The following PWWP2A variants were observed in gnomAD, a reference collection of about 807,000 sequenced individuals.
The protein encoded by PWWP2A is PWWP domain containing 2A, also known as PWWP domain-containing protein 2A.
In PWWP2A, 18 loss-of-function variants were observed where a neutral mutation model predicts 48.5. That is an observed-to-expected ratio of 0.37 (90% CI 0.26 to 0.55). PWWP2A has a LOEUF of 0.55. PWWP2A is among the 20% of genes least tolerant of loss of function. The pLI is 0.81. For missense variants in PWWP2A, 867 were observed against 976.4 expected (o/e 0.89, Z 1.49); for synonymous variants, 396 against 387.7 (o/e 1.02, Z -0.25).
chr5:160,044,628 T>C, the PWWP2A span, among the ~76,000 whole-genome samples: 3 of 152,194 alleles, frequency 2.0e-5, no homozygotes, highest in South Asian at 2.1e-4. Context: ...TAGGGAGCAG[T>C]GAGGATGACC....
chr5:160,065,157 A>G (rs1335116161), intron 4 of PWWP2A: 21 of 1,527,968 alleles, frequency 1.4e-5, no homozygotes, highest in Non-Finnish European at 1.8e-5. Flanking sequence ...TAACTTTTAA[A>G]AGCATCTTAT....
At chr5:160,087,986 G>A (rs959542147), downstream of PWWP2A, among the ~76,000 whole-genome samples, 3 of 152,166 alleles carry the variant, frequency 2.0e-5, no homozygotes, top group African/African-American at 7.2e-5. Context: ...CTATTCCTTC[G>A]TTCAAAAATA....
chr5:160,078,447 G>GTT lies in PWWP2A; in HGVS notation c.1670-281_1670-280dup, dbSNP rs901495666. Among the ~76,000 whole-genome samples, 3 of 152,092 alleles carry GTT rather than the reference G, an allele frequency of 2.0e-5. No individual in the cohort carries two copies. The highest frequency in any genetic ancestry group is 4.4e-5 in the Non-Finnish European group (3 of 68,020). On this transcript the variant is annotated intron_variant, in intron 3 of 3. Transcript: ENST00000456329. The surrounding 1 kb of genome is among the most constrained non-coding windows in gnomAD (Gnocchi z 4.2). ...TTACATAATCAATGTGCACTTGAGT[G>GTT]TTTTTTTAAAATACTTGCTTATAAA...
At chr5:160,047,267 A>C in the PWWP2A span, among the ~76,000 whole-genome samples, 1 of 151,948 alleles carries the variant, frequency 6.6e-6, no homozygotes, top group Non-Finnish European at 1.5e-5. Flanking sequence ...CACACACACA[A>C]AACTTGCAGT....
At chr5:160,051,232 G>C in the PWWP2A span, 2 of 1,494,896 alleles carry the variant, frequency 1.3e-6, no homozygotes, top group Non-Finnish European at 1.8e-6. Context: ...AGGAACCTAG[G>C]GTGGGGACAT....
At chr5:160,066,933 G>A (rs1034524839) in intron 2 of PWWP2A, 12 of 152,096 alleles carry the variant, frequency 7.9e-5, no homozygotes, top group African/African-American at 2.9e-4. Flanking sequence ...CTACTTGGGA[G>A]GCTGAGGCAG....
downstream of PWWP2A, among the ~76,000 whole-genome samples, chr5:160,074,822 G>A (rs554886689): frequency 9.5e-4 from 142 of 149,988 alleles, no homozygotes; most frequent in African/African-American, 3.2e-3. Context: ...ATCATGGCCA[G>A]GTGCAGTGGC....
rs1755154188 is a variant in PWWP2A, at chr5:160,092,209, T to G, written c.*173A>C. 3 of 1,335,386 alleles carry G rather than the reference T, an allele frequency of 2.2e-6. No homozygotes were observed. In the South Asian group the frequency reaches 7.3e-5, roughly 32 times the overall value. The allele number at this position is 1,335,386 out of a possible 1,614,324, so 82.7% of individuals were successfully genotyped here. A position where few individuals can be genotyped will look rare whatever the true frequency, so the allele number is the denominator to read the frequency against. On this transcript the variant is annotated 3_prime_UTR_variant, in exon 2 of 2. Coordinates refer to ENST00000307063, the MANE Select transcript of PWWP2A (RefSeq NM_001130864.2). ...CCTTAACACAAAATTTGATTATATG[T>G]TCAGTTTAAGCTCTCAGTCTAAAAA...
chr5:160,107,111 G>C (rs1756982235), intron 1 of PWWP2A, among the ~76,000 whole-genome samples: 1 of 152,078 alleles, frequency 6.6e-6, no homozygotes, highest in Non-Finnish European at 1.5e-5. Flanking sequence ...ATAGGCATGA[G>C]CCACCGTGAC....
At chr5:160,066,692 G>A (rs1217395152) in intron 3 of PWWP2A, 2 of 152,126 alleles carry the variant, frequency 1.3e-5, no homozygotes, top group Non-Finnish European at 2.9e-5. Flanking sequence ...AAGATAGAAA[G>A]TGTTAAAGTA....
chr5:160,095,076 A>AAAAAAAAAC (rs1485044426), intron 1 of PWWP2A, among the ~76,000 whole-genome samples: 3 of 146,662 alleles, frequency 2.0e-5, no homozygotes, highest in Non-Finnish European at 4.5e-5. Flanking sequence ...AAAAAAAAAA[A>AAAAAAAAAC]AGACTACTTA....
At chr5:160,117,984 G>T in intron 1 of PWWP2A, 2 of 554,908 alleles carry the variant, frequency 3.6e-6, no homozygotes, top group South Asian at 7.8e-5. Flanking sequence ...CTCTTCCCCT[G>T]TTGAAAGCAG....
chr5:160,051,087 T>G, the PWWP2A span: 1,263 of 1,529,896 alleles, frequency 8.3e-4, 9 homozygotes, highest in African/African-American at 0.016. Flanking sequence ...TTTTGGTTTT[T>G]TTTTTTTTTT....
At chr5:160,102,397 C>CAAAAAAAAAAAAAAAAAAAAAAAAAA (rs70988002) in intron 1 of PWWP2A, among the ~76,000 whole-genome samples, 1 of 64,220 alleles carries the variant, frequency 1.6e-5, no homozygotes. Flanking sequence ...GACTCCATCT[C>CAAAAAAAAAAAAAAAAAAAAAAAAAA]AAAAAAAAAA....
At position 160,119,349 on chromosome 5, in the gene PWWP2A, A is replaced by ACGCTGCAGT; in HGVS notation, c.31_39dup (p.Thr11_Ala13dup). On this transcript the variant is annotated inframe_insertion, in exon 1 of 2. Coordinates refer to ENST00000307063, the MANE Select transcript of PWWP2A (RefSeq NM_001130864.2). ...TCGCCGGCGCCCCCCTCCCCGGGGG[A>ACGCTGCAGT]CGCTGCAGTCGCTGCCGCCTCTGCA... 1 of 1,379,346 alleles carries ACGCTGCAGT rather than the reference A, an allele frequency of 7.2e-7. No homozygotes were observed. Among genetic ancestry groups the ACGCTGCAGT allele is most frequent in the Non-Finnish European group, 9.3e-7 (1 of 1,071,396 alleles). The allele number at this position is 1,379,346 out of a possible 1,614,324, so 85.4% of individuals were successfully genotyped here.
chr5:160,092,024 A>ATATATATATATATATATATATATG lies in PWWP2A; in HGVS notation c.*357_*358insCATATATATATATATATATATATA, dbSNP rs1313007360. 2.1e-6 allele frequency: 1 copy of ATATATATATATATATATATATATG among 473,980 alleles called. No individual in the cohort carries two copies. Among genetic ancestry groups the ATATATATATATATATATATATATG allele is most frequent in the Non-Finnish European group, 2.7e-6 (1 of 367,350 alleles). 29.4% of individuals were successfully genotyped at this position (473,980 alleles called of 1,614,324 possible). ...TATATACATACACGGATATATATAT[A>ATATATATATATATATATATATATG]TACACACACACACACGTATATATAT... On this transcript the variant is annotated 3_prime_UTR_variant, in exon 2 of 2. Transcript: ENST00000307063.
At chr5:160,098,321 TG>T (rs1755903090) in intron 1 of PWWP2A, among the ~76,000 whole-genome samples, 1 of 152,130 alleles carries the variant, frequency 6.6e-6, no homozygotes, top group African/African-American at 2.4e-5. Context: ...AAATGGTAAT[TG>T]TGTGTGGGTA....
At chr5:160,066,295 C>CTTTTTTTTTTTTTTTTTT (rs748083955) in intron 4 of PWWP2A, among the ~76,000 whole-genome samples, 1 of 57,952 alleles carries the variant, frequency 1.7e-5, no homozygotes, top group African/African-American at 5.6e-5. Context: ...AAGTGGTTCT[C>CTTTTTTTTTTTTTTTTTT]ATTTTTTTTT....
At chr5:160,104,228 A>G (rs981375076) in intron 1 of PWWP2A, among the ~76,000 whole-genome samples, 1 of 151,730 alleles carries the variant, frequency 6.6e-6, no homozygotes, top group Non-Finnish European at 1.5e-5. Context: ...GGTTGAGGCC[A>G]GGAATTTTGA....
Sources: gnomAD v4.1 joint callset for allele counts (sites outside exome capture counted in the v4.1 genomes callset) on GRCh38, gnomAD v4.1.1 for gene constraint, Gnocchi (gnomAD v3.1) non-coding constraint, MANE v1.5 for transcripts, NCBI Gene and HGNC (gene_info 2026-07-23, HGNC 2026-07-21) for gene names.